The following CSMD1 variants were observed in gnomAD, a reference collection of about 807,000 sequenced individuals.
The protein encoded by CSMD1 is CUB and Sushi multiple domains 1.
In CSMD1, 213 loss-of-function variants were observed where a neutral mutation model predicts 417.5. The ratio of observed to expected loss-of-function variants is 0.51; its 90% CI spans 0.46 to 0.57. The LOEUF is 0.57. Among genes scored for constraint, CSMD1 ranks in the 20% least tolerant of loss-of-function variants. CSMD1 has a pLI of 0.00. For synonymous variants in CSMD1, 2,862 were observed against 1,736.8 expected (o/e 1.65, Z -16.11); for missense variants, 6,923 against 4,529.7 (o/e 1.53, Z -15.17).
chr8:3,931,612 A>G (rs1810149936), intron 5 of CSMD1, among the ~76,000 whole-genome samples: 1 of 149,848 alleles, frequency 6.7e-6, no homozygotes. Context: ...TTGCGCCAAG[A>G]GTTAGAGACA....
At chr8:3,672,974 A>C (rs541462971) in intron 7 of CSMD1, among the ~76,000 whole-genome samples, 4 of 152,152 alleles carry the variant, frequency 2.6e-5, no homozygotes, top group Non-Finnish European at 5.9e-5. Context: ...CCTATGCCTT[A>C]TTGTAAGTAC....
rs567526999 is a variant in CSMD1, at chr8:3,381,214, A to G, written c.2782+6280T>C. On this transcript the variant is annotated intron_variant, in intron 18 of 69. Coordinates refer to ENST00000635120, the MANE Select transcript of CSMD1 (RefSeq NM_033225.6). ...TACAGGTATGACTAAAATGACTGCAAGTAAAACAACTTGACAAGCCCCATG... is the reference window on the plus strand; with the variant it reads ...TACAGGTATGACTAAAATGACTGCAGGTAAAACAACTTGACAAGCCCCATG... Among the ~76,000 whole-genome samples the G allele has an allele frequency of 4.6e-5, 7 of 152,284 alleles. No homozygotes were observed. The East Asian group carries it at 1.2e-3, about 25-fold the overall frequency.
At chr8:4,944,862 A>G (rs1405687085) in intron 1 of CSMD1, among the ~76,000 whole-genome samples, 2 of 152,190 alleles carry the variant, frequency 1.3e-5, no homozygotes, top group Non-Finnish European at 2.9e-5. Flanking sequence ...TCTGAAAATT[A>G]AAAATAAAAC....
At chr8:4,892,228 T>G (rs1461409455) in intron 1 of CSMD1, among the ~76,000 whole-genome samples, 1 of 152,054 alleles carries the variant, frequency 6.6e-6, no homozygotes, top group African/African-American at 2.4e-5. Context: ...ACATTGCCAA[T>G]AAAATAGTGC....
intron 3 of CSMD1, among the ~76,000 whole-genome samples, chr8:4,052,188 G>A (rs917615774): frequency 9.2e-5 from 14 of 152,122 alleles, no homozygotes; most frequent in South Asian, 2.1e-4. Flanking sequence ...GCCTCCGAAA[G>A]TGCTGGGGTT....
chr8:4,530,218 T>C (rs1029001563), intron 2 of CSMD1, among the ~76,000 whole-genome samples: 3 of 151,478 alleles, frequency 2.0e-5, no homozygotes, highest in African/African-American at 4.9e-5. Flanking sequence ...AGGCCTGCCA[T>C]TGTTATTTGT....
intron 7 of CSMD1, among the ~76,000 whole-genome samples, chr8:3,632,058 T>C (rs184963587): frequency 2.0e-5 from 3 of 152,340 alleles, no homozygotes; most frequent in South Asian, 2.1e-4. Context: ...AAGAAAGTAA[T>C]TGTTTTTTTC....
rs542404568 is a variant in CSMD1, at chr8:3,036,881, A to G, written c.7661-7368T>C. ...GCGTTTTTGGTTACATGGATAAGTTATCTAGGGGTGATTTCTGGGATTTCA... is the reference window on the plus strand; with the variant it reads ...GCGTTTTTGGTTACATGGATAAGTTGTCTAGGGGTGATTTCTGGGATTTCA... On this transcript the variant is annotated intron_variant, in intron 50 of 69. Coordinates refer to ENST00000635120, the MANE Select transcript of CSMD1 (RefSeq NM_033225.6). 4.6e-5 allele frequency among the ~76,000 whole-genome samples: 7 copies of G among 152,252 alleles called. No homozygotes were observed. In the South Asian group the frequency reaches 1.5e-3, roughly 32 times the overall value.
Position 4,911,588 on chromosome 8 carries a change from CAG to C in CSMD1, c.85+82742_85+82743del, listed in dbSNP as rs373423201. Among the ~76,000 whole-genome samples, 101 of 152,324 alleles carry C rather than the reference CAG, an allele frequency of 6.6e-4. No individual in the cohort carries two copies. In the East Asian group the frequency reaches 0.016, roughly 24 times the overall value. On this transcript the variant is annotated intron_variant, in intron 1 of 69. Coordinates refer to ENST00000635120, the MANE Select transcript of CSMD1 (RefSeq NM_033225.6). ...GCCCTCTACCTGCATCCAGGGATCT[CAG>C]AGCTCTCCTGACAGAAGCGTTTAAC... is the stretch of plus-strand genomic sequence containing the variant.
In CSMD1 at chr8:4,299,087, A is replaced by T. The variant is rs935225913; in HGVS notation, c.415+120866T>A. On this transcript the variant is annotated intron_variant, in intron 3 of 69. Transcript: ENST00000635120. ...AATCCTATTTCTTACTTATGATAATATAAGGAGGGAAGAAGGTGATAGAAT... is the reference window on the plus strand; with the variant it reads ...AATCCTATTTCTTACTTATGATAATTTAAGGAGGGAAGAAGGTGATAGAAT... Among the ~76,000 whole-genome samples, 55 of 152,168 alleles carry T rather than the reference A, an allele frequency of 3.6e-4. 1 individual carries two copies. Among genetic ancestry groups the T allele is most frequent in the Admixed American group, 9.2e-4 (14 of 15,270 alleles).
At chr8:4,840,239 G>A (rs148752469) in intron 1 of CSMD1, among the ~76,000 whole-genome samples, 3 of 31,934 alleles carry the variant, frequency 9.4e-5, no homozygotes, top group Non-Finnish European at 1.8e-4. Context: ...CCATCACATC[G>A]CCAGCTGATA....
At chr8:4,286,756 A>G (rs368121095) in intron 3 of CSMD1, among the ~76,000 whole-genome samples, 42 of 152,330 alleles carry the variant, frequency 2.8e-4, no homozygotes, top group African/African-American at 9.4e-4. Context: ...CTTGATAAAT[A>G]TTAGTTTTCT....
intron 5 of CSMD1, among the ~76,000 whole-genome samples, chr8:3,783,989 C>A (rs539434476): frequency 6.6e-6 from 1 of 152,218 alleles, no homozygotes; most frequent in African/African-American, 2.4e-5. Flanking sequence ...TCTTCTGGTG[C>A]CTGACCTTTC....
At chr8:4,483,264 T>G (rs548360224) in intron 2 of CSMD1, among the ~76,000 whole-genome samples, 3 of 152,350 alleles carry the variant, frequency 2.0e-5, no homozygotes, top group Non-Finnish European at 4.4e-5. Context: ...CCCAGCCATG[T>G]GGAACTGTGA....
intron 3 of CSMD1, among the ~76,000 whole-genome samples, chr8:4,299,311 C>T (rs558146472): frequency 2.1e-4 from 32 of 152,232 alleles, no homozygotes; most frequent in Middle Eastern, 3.4e-3. Flanking sequence ...CCCCAGAGAA[C>T]GCACTTTTTA....
intron 27 of CSMD1, among the ~76,000 whole-genome samples, chr8:3,229,700 A>G (rs1169844793): frequency 6.6e-6 from 1 of 152,328 alleles, no homozygotes; most frequent in African/African-American, 2.4e-5. Flanking sequence ...TTTCTATATT[A>G]AAAATCAGAA....
Position 2,937,913 on chromosome 8 carries a change from C to T in CSMD1, c.*672G>A, listed in dbSNP as rs1480843557. On this transcript the variant is annotated 3_prime_UTR_variant, in exon 70 of 70. Transcript: ENST00000635120. ...TTATTTTTTTTATCAGAATCTTAGT[C>T]ATTCATAACACACTAGTGCAAAAAA... The T allele has an allele frequency of 6.6e-6, 1 of 152,500 alleles. No homozygotes were observed. The highest frequency in any genetic ancestry group is 1.5e-5 in the Non-Finnish European group (1 of 68,004). 9.4% of individuals were successfully genotyped at this position (152,500 alleles called of 1,614,324 possible).
intron 4 of CSMD1, among the ~76,000 whole-genome samples, chr8:4,027,175 G>T (rs973917309): frequency 6.6e-6 from 1 of 152,166 alleles, no homozygotes; most frequent in Admixed American, 6.5e-5. Context: ...TAGTTACGAC[G>T]AGGTAAGAAG....
intron 3 of CSMD1, among the ~76,000 whole-genome samples, chr8:4,074,826 T>G (rs1420137162): frequency 1.3e-5 from 2 of 152,182 alleles, no homozygotes; most frequent in African/African-American, 4.8e-5. Context: ...TGATGCCTTT[T>G]TCTTGGTAGA....
Sources: gnomAD v4.1 joint callset for allele counts (sites outside exome capture counted in the v4.1 genomes callset) on GRCh38, gnomAD v4.1.1 for gene constraint, MANE v1.5 for transcripts, NCBI Gene and HGNC (gene_info 2026-07-23, HGNC 2026-07-21) for gene names.